Variants in TRHDE observed in about 807,000 individuals in gnomAD.
TRHDE encodes the protein thyrotropin-releasing hormone-degrading ectoenzyme.
Under a neutral mutation model 125.7 loss-of-function variants are expected in TRHDE, and 72 were observed. The observed-to-expected ratio is 0.57, with a 90% CI of 0.47 to 0.70. TRHDE has a LOEUF of 0.70. Among genes scored for constraint, TRHDE ranks in the 30% least tolerant of loss-of-function variants. The pLI is 0.00. For synonymous variants in TRHDE, 509 were observed against 509.1 expected (o/e 1.00, Z 0.00); for missense variants, 1,110 against 1,327.1 (o/e 0.84, Z 2.54).
intron 2 of TRHDE, among the ~76,000 whole-genome samples, chr12:72,367,322 A>C (rs1871379394): frequency 6.6e-6 from 1 of 152,008 alleles, no homozygotes; most frequent in Non-Finnish European, 1.5e-5. Flanking sequence ...CTCTGCCTCA[A>C]ACTCGGCAGT....
intron 5 of TRHDE, among the ~76,000 whole-genome samples, chr12:72,479,632 A>G (rs896258167): frequency 2.5e-5 from 3 of 117,736 alleles, no homozygotes; most frequent in Non-Finnish European, 5.2e-5. Context: ...ACATGTTTTT[A>G]AAGGATTTTT....
intron 2 of TRHDE, among the ~76,000 whole-genome samples, chr12:72,165,025 G>A (rs1314563941): frequency 6.6e-6 from 1 of 152,026 alleles, no homozygotes; most frequent in African/African-American, 2.4e-5. Context: ...TTGATCTTGG[G>A]GCCCTAGGAA....
chr12:72,624,877 A>G (rs2136081744), intron 15 of TRHDE, among the ~76,000 whole-genome samples: 1 of 152,038 alleles, frequency 6.6e-6, no homozygotes, highest in East Asian at 1.9e-4. Flanking sequence ...AATGATAAAA[A>G]GATCTTGAAA....
chr12:72,522,417 A>G (rs1302969180), intron 6 of TRHDE, among the ~76,000 whole-genome samples: 2 of 152,234 alleles, frequency 1.3e-5, no homozygotes, highest in East Asian at 3.8e-4. Context: ...AACAACTAAT[A>G]CTTATAGTTC....
intron 18 of TRHDE, among the ~76,000 whole-genome samples, chr12:72,658,190 T>C (rs1874780978): frequency 6.6e-6 from 1 of 152,170 alleles, no homozygotes; most frequent in African/African-American, 2.4e-5. Flanking sequence ...CATATTTTAC[T>C]ATTTTTTAAA....
chr12:72,331,906 T>C (rs1869616276), intron 2 of TRHDE, among the ~76,000 whole-genome samples: 1 of 152,230 alleles, frequency 6.6e-6, no homozygotes, highest in African/African-American at 2.4e-5. Flanking sequence ...TCTTTACTTC[T>C]TGTGCCAAGC....
chr12:72,293,880 A>G (rs188948313), intron 2 of TRHDE, among the ~76,000 whole-genome samples: 294 of 152,326 alleles, frequency 1.9e-3, no homozygotes, highest in African/African-American at 6.3e-3. Flanking sequence ...AGGATGAGTC[A>G]GGTGTGGAAC....
intron 1 of TRHDE, among the ~76,000 whole-genome samples, chr12:72,104,602 G>A (rs939176007): frequency 2.0e-5 from 3 of 152,192 alleles, no homozygotes; most frequent in Admixed American, 1.3e-4. Context: ...CCATGTGTCA[G>A]CAACGAGTCA....
At chr12:72,379,821 T>C (rs927278832) in intron 3 of TRHDE, among the ~76,000 whole-genome samples, 18 of 152,174 alleles carry the variant, frequency 1.2e-4, no homozygotes, top group African/African-American at 4.3e-4. Context: ...ACTTGACTTA[T>C]CCCAGCATAC....
At chr12:72,350,402 C>T (rs573753782) in intron 2 of TRHDE, among the ~76,000 whole-genome samples, 63 of 152,026 alleles carry the variant, frequency 4.1e-4, no homozygotes, top group African/African-American at 1.4e-3. Context: ...TTATATATCT[C>T]AATATATTAG....
At chr12:72,131,956 C>G (rs564756787) in intron 2 of TRHDE, among the ~76,000 whole-genome samples, 1 of 152,126 alleles carries the variant, frequency 6.6e-6, no homozygotes, top group Admixed American at 6.6e-5. Context: ...AATGGAGTAA[C>G]GAATGATCAA....
In TRHDE at chr12:72,179,210, T is replaced by C. The variant is rs180682508; in HGVS notation, n.279+73458T>C. Among the ~76,000 whole-genome samples the C allele has an allele frequency of 7.2e-5, 11 of 152,218 alleles. No individual in the cohort carries two copies. In the East Asian group the frequency reaches 2.1e-3, roughly 29 times the overall value. On this transcript the variant is annotated intron_variant and non_coding_transcript_variant, in intron 2 of 4. Coordinates refer to the TRHDE transcript ENST00000548156. ...TATCGTGAGTAAATCAGAATAATAC[T>C]GGATTTAATAAGACACAGAAACGAG...
At chr12:72,291,976 C>T (rs1880105744) in intron 2 of TRHDE, among the ~76,000 whole-genome samples, 1 of 152,192 alleles carries the variant, frequency 6.6e-6, no homozygotes, top group Non-Finnish European at 1.5e-5. Flanking sequence ...TTACATTCAG[C>T]CCAAGCAGGT....
chr12:72,127,179 C>T (rs551294367), intron 2 of TRHDE, among the ~76,000 whole-genome samples: 29 of 151,926 alleles, frequency 1.9e-4, no homozygotes, highest in Non-Finnish European at 1.5e-4. Flanking sequence ...ATTATCAAAA[C>T]GTTAAAAAAT....
chr12:72,396,294 A>G (rs1872786175), intron 3 of TRHDE, among the ~76,000 whole-genome samples: 1 of 152,164 alleles, frequency 6.6e-6, no homozygotes, highest in East Asian at 1.9e-4. Flanking sequence ...TTTTCTCTAC[A>G]GTGTCCATTC....
At chr12:72,335,361 A>G (rs1288434879) in intron 2 of TRHDE, among the ~76,000 whole-genome samples, 1 of 152,210 alleles carries the variant, frequency 6.6e-6, no homozygotes, top group Non-Finnish European at 1.5e-5. Context: ...TGAACAGTGG[A>G]CACCCATGTA....
At chr12:72,299,300 C>T (rs572774045) in intron 2 of TRHDE, among the ~76,000 whole-genome samples, 16 of 152,272 alleles carry the variant, frequency 1.1e-4, no homozygotes, top group East Asian at 3.9e-4. Flanking sequence ...ACTAATAGTA[C>T]GATCTGTCCT....
At chr12:72,338,911 C>T (rs557401272) in intron 2 of TRHDE, among the ~76,000 whole-genome samples, 7 of 152,228 alleles carry the variant, frequency 4.6e-5, no homozygotes, top group South Asian at 2.1e-4. Flanking sequence ...CCTTTAAACG[C>T]TTTCTCTTTT....
chr12:72,137,080 A>G (rs1367892063), intron 2 of TRHDE, among the ~76,000 whole-genome samples: 2 of 152,192 alleles, frequency 1.3e-5, no homozygotes, highest in African/African-American at 4.8e-5. Context: ...CCCTTTGAAA[A>G]GAATAGGAAG....
Sources: gnomAD v4.1 joint callset for allele counts (sites outside exome capture counted in the v4.1 genomes callset) on GRCh38, gnomAD v4.1.1 for gene constraint, MANE v1.5 for transcripts, NCBI Gene and HGNC (gene_info 2026-07-23, HGNC 2026-07-21) for gene names.